LPIN1: variants seen among roughly 807,000 people sequenced by gnomAD.
LPIN1 encodes lipin 1.
LPIN1 carries 71 observed loss-of-function variants against 107.5 expected under a neutral mutation model. The observed-to-expected ratio is 0.66, with a 90% CI of 0.55 to 0.80. The LOEUF is 0.80. LPIN1 is among the 30% of genes least tolerant of loss of function. The pLI is 0.00. For synonymous variants in LPIN1, 445 were observed against 452.6 expected (o/e 0.98, Z 0.21); for missense variants, 1,043 against 1,160.6 (o/e 0.90, Z 1.47).
intron 1 of LPIN1, among the ~76,000 whole-genome samples, chr2:11,746,904 C>T (rs940952169): frequency 2.6e-5 from 4 of 152,170 alleles, no homozygotes; most frequent in Non-Finnish European, 5.9e-5. Context: ...CGCGAGCATC[C>T]CTCGGGCCTG....
intron 1 of LPIN1, among the ~76,000 whole-genome samples, chr2:11,749,238 GTTCGC>G (rs1667425056): frequency 6.6e-6 from 1 of 152,178 alleles, no homozygotes; most frequent in South Asian, 2.1e-4. Context: ...TTTCTGAAAT[GTTCGC>G]TTTCTGAGCT....
intron 7 of LPIN1, 29 bp from the exon 8 acceptor site, chr2:11,782,172 T>C: frequency 6.3e-7 from 1 of 1,575,084 alleles, no homozygotes; most frequent in Non-Finnish European, 8.7e-7. Flanking sequence ...CTTGTCTCTC[T>C]CTCTGTCCCT....
chr2:11,782,154 G>T (rs776859585), intron 7 of LPIN1, 47 bp from the exon 8 acceptor site: 1 of 1,499,894 alleles, frequency 6.7e-7, no homozygotes, highest in Non-Finnish European at 9.3e-7. Flanking sequence ...GGTTGCCTTT[G>T]TGCTGACCTT....
intron 12 of LPIN1, among the ~76,000 whole-genome samples, chr2:11,789,870 T>C (rs1328171394): frequency 2.6e-5 from 4 of 152,398 alleles, no homozygotes; most frequent in African/African-American, 9.6e-5. Context: ...CCTTGTGATA[T>C]GCATGCTAAA....
intron 1 of LPIN1, among the ~76,000 whole-genome samples, chr2:11,730,274 G>A (rs770580333): frequency 2.0e-5 from 3 of 152,114 alleles, no homozygotes; most frequent in East Asian, 1.9e-4. Context: ...TGAGGAGCCC[G>A]CTGAGGCCGT....
upstream of LPIN1, among the ~76,000 whole-genome samples, chr2:11,720,453 A>T (rs1250000063): frequency 6.6e-6 from 1 of 152,186 alleles, no homozygotes; most frequent in African/African-American, 2.4e-5. Context: ...TTAATATGTA[A>T]CTACTTTGAA....
rs150089043 is a variant in LPIN1, at chr2:11,779,567, C to G, written c.879C>G (p.Val293=). 120 of 1,613,924 alleles carry G rather than the reference C, an allele frequency of 7.4e-5. No individual in the cohort carries two copies. Among genetic ancestry groups the G allele is most frequent in the Middle Eastern group, 3.3e-4 (2 of 5,998 alleles). The part of the protein sequence containing the change: ...PSTPKSDSEL[V]SKSTERTGQK... Reference sequence around the variant, plus strand: ...CACCTAAAAGTGATTCAGAATTGGTCAGCAAGTCCACGGAAAGGACAGGGC... The same window carrying G: ...CACCTAAAAGTGATTCAGAATTGGTGAGCAAGTCCACGGAAAGGACAGGGC... Residue 293 remains valine (V), a synonymous_variant, in exon 7 of 21, where the codon GTC becomes GTG. Transcript: ENST00000674199.
chr2:11,754,134 C>G (rs546796136), intron 1 of LPIN1, among the ~76,000 whole-genome samples: 23 of 152,270 alleles, frequency 1.5e-4, no homozygotes, highest in African/African-American at 5.5e-4. Flanking sequence ...ATTTAGTTGT[C>G]CTGACATGAT....
At chr2:11,758,015 T>A (rs564476190) in intron 1 of LPIN1, among the ~76,000 whole-genome samples, 19 of 152,338 alleles carry the variant, frequency 1.2e-4, no homozygotes, top group Non-Finnish European at 2.8e-4. Flanking sequence ...AGTAGAGTCA[T>A]ACAGCATTTG....
At chr2:11,677,662 C>T (rs527883091) in exon 1 of LPIN1, 89 of 1,535,596 alleles carry the variant, frequency 5.8e-5, no homozygotes, top group African/African-American at 4.5e-4. Context: ...GGGAACAGGA[C>T]GGCATTCGCA....
chr2:11,738,447 G>T (rs140376907), intron 1 of LPIN1, among the ~76,000 whole-genome samples: 1 of 151,174 alleles, frequency 6.6e-6, no homozygotes, highest in African/African-American at 2.4e-5. Flanking sequence ...CTACATGGCC[G>T]CTGACTCATT....
chr2:11,789,748 C>T (rs1281075965), intron 12 of LPIN1, among the ~76,000 whole-genome samples: 2 of 146,690 alleles, frequency 1.4e-5, no homozygotes, highest in African/African-American at 2.5e-5. Flanking sequence ...CCGTTCTCAA[C>T]ACTTACAAAT....
intron 1 of LPIN1, among the ~76,000 whole-genome samples, chr2:11,709,611 C>G (rs1663304214): frequency 6.6e-6 from 1 of 152,184 alleles, no homozygotes; most frequent in Non-Finnish European, 1.5e-5. Context: ...TTCAGTAATG[C>G]TATAGTTTTC....
Position 11,771,428 on chromosome 2 carries a change from A to G in LPIN1, c.345A>G (p.Arg115=). The change falls in exon 4 of 21, where the codon AGA becomes AGG. Residue 115 remains arginine, a synonymous_variant. Transcript: ENST00000674199. This position sits in a 1 kb window ranked among gnomAD's most constrained non-coding sequence, Gnocchi z 4.8. ...CCATCCTGTCAGAAGGAGCTTCGAG[A>G]ATGGAATGCCAGCTGAAAAGGGGCT... The part of the protein sequence containing the change: ...TSPILSEGAS[R]MECQLKRGSV... 1 of 1,614,244 alleles carries G rather than the reference A, an allele frequency of 6.2e-7. No homozygotes were observed. Among genetic ancestry groups the G allele is most frequent in the Non-Finnish European group, 8.5e-7 (1 of 1,180,048 alleles).
intron 17 of LPIN1, 75 bp from the exon 18 acceptor site, chr2:11,815,013 A>G (rs910391317): frequency 7.3e-7 from 1 of 1,371,740 alleles, no homozygotes; most frequent in Non-Finnish European, 1.0e-6. Flanking sequence ...CAGAACAGAT[A>G]TGGATCAGGA....
At chr2:11,700,854 C>A (rs1234563699) in intron 1 of LPIN1, among the ~76,000 whole-genome samples, 1 of 152,214 alleles carries the variant, frequency 6.6e-6, no homozygotes, top group Non-Finnish European at 1.5e-5. Flanking sequence ...ATCCCTCCAC[C>A]TCCCCAGAGC....
At chr2:11,758,237 A>T (rs1390615394) in intron 1 of LPIN1, among the ~76,000 whole-genome samples, 4 of 151,456 alleles carry the variant, frequency 2.6e-5, no homozygotes, top group African/African-American at 9.7e-5. Context: ...GGGTGTGCCA[A>T]TATCTTTTCG....
At chr2:11,678,688 T>A (rs1376663779) in intron 1 of LPIN1, among the ~76,000 whole-genome samples, 1 of 152,114 alleles carries the variant, frequency 6.6e-6, no homozygotes, top group Non-Finnish European at 1.5e-5. Flanking sequence ...GGACAAGAGG[T>A]CCTTCTGGGG....
chr2:11,795,802 A>G (rs1346730658), intron 14 of LPIN1, among the ~76,000 whole-genome samples: 1 of 152,248 alleles, frequency 6.6e-6, no homozygotes, highest in African/African-American at 2.4e-5. Flanking sequence ...AACAGTGAGA[A>G]TAATGACAGT....
Sources: allele counts gnomAD v4.1 joint callset (sites outside exome capture counted in the v4.1 genomes callset), GRCh38; gene constraint gnomAD v4.1.1; non-coding constraint Gnocchi (gnomAD v3.1); transcripts MANE v1.5; gene names NCBI Gene and HGNC (gene_info 2026-07-23, HGNC 2026-07-21).